Variants in LRRC7 observed in about 807,000 individuals in gnomAD.
LRRC7 encodes the protein leucine-rich repeat-containing protein 7.
LRRC7 carries 23 observed loss-of-function variants against 175.7 expected under a neutral mutation model. The ratio of observed to expected loss-of-function variants is 0.13; its 90% CI spans 0.09 to 0.19. LRRC7 has a LOEUF of 0.19. LRRC7 is among the 10% of genes least tolerant of loss of function. LRRC7 has a pLI of 1.00. For synonymous variants in LRRC7, 685 were observed against 680.9 expected (o/e 1.01, Z -0.09); for missense variants, 1,354 against 1,904.7 (o/e 0.71, Z 5.38).
At position 69,642,431 on chromosome 1, in the gene LRRC7, T is replaced by C. The variant is rs188427037; in HGVS notation, c.3-35950T>C. On this transcript the variant is annotated intron_variant, in intron 1 of 26. Coordinates refer to ENST00000651989, the MANE Select transcript of LRRC7 (RefSeq NM_001370785.2). ...AAGGATAGGAAGGTAAAAAAGGAAA[T>C]ATGAGAAGAAATTACCTTCAAGCAA... Among the ~76,000 whole-genome samples, 86 of 152,000 alleles carry C rather than the reference T, an allele frequency of 5.7e-4. No individual in the cohort carries two copies. The East Asian group carries it at 0.016, about 27-fold the overall frequency.
chr1:70,084,099 C>T (rs1416205131), intron 24 of LRRC7, among the ~76,000 whole-genome samples: 2 of 152,082 alleles, frequency 1.3e-5, no homozygotes, highest in African/African-American at 4.8e-5. Flanking sequence ...GATCTAGCCC[C>T]ACCTTCCTCT....
intron 23 of LRRC7, among the ~76,000 whole-genome samples, chr1:70,061,831 C>G (rs1661602603): frequency 6.6e-6 from 1 of 152,034 alleles, no homozygotes; most frequent in Non-Finnish European, 1.5e-5. Context: ...TAGAAATAAC[C>G]TAGAACTGAA....
At chr1:69,595,774 C>A (rs72936520) in intron 1 of LRRC7, among the ~76,000 whole-genome samples, 1 of 152,170 alleles carries the variant, frequency 6.6e-6, no homozygotes, top group South Asian at 2.1e-4. Flanking sequence ...TAATATATTA[C>A]GGTGTATTAC....
intron 7 of LRRC7, among the ~76,000 whole-genome samples, chr1:69,864,710 T>A (rs1684724391): frequency 6.6e-6 from 1 of 152,212 alleles, no homozygotes; most frequent in African/African-American, 2.4e-5. Flanking sequence ...TTCTCTGGTC[T>A]TCAGTGAGGA....
intron 1 of LRRC7, among the ~76,000 whole-genome samples, chr1:69,589,758 C>G (rs1646558105): frequency 6.7e-6 from 1 of 150,074 alleles, no homozygotes; most frequent in African/African-American, 2.5e-5. Context: ...TTCTCTTTTT[C>G]TAGATGGTGA....
At chr1:69,645,600 A>T (rs1397514141) in intron 1 of LRRC7, among the ~76,000 whole-genome samples, 1 of 152,058 alleles carries the variant, frequency 6.6e-6, no homozygotes, top group Non-Finnish European at 1.5e-5. Context: ...ATTCTTCAGG[A>T]TCACTCAGTC....
chr1:69,952,811 C>T (rs777567040), intron 8 of LRRC7, among the ~76,000 whole-genome samples: 3 of 151,720 alleles, frequency 2.0e-5, no homozygotes, highest in African/African-American at 4.8e-5. Context: ...CCTAGTGGTG[C>T]GTGGTCCTCC....
At chr1:69,837,204 G>A (rs1464868531) in intron 6 of LRRC7, among the ~76,000 whole-genome samples, 16 of 151,788 alleles carry the variant, frequency 1.1e-4, no homozygotes, top group Admixed American at 9.9e-4. Context: ...CCCCAGCATT[G>A]TCATGGGACA....
At chr1:69,586,450 A>C (rs1234088374) in intron 1 of LRRC7, among the ~76,000 whole-genome samples, 1 of 152,100 alleles carries the variant, frequency 6.6e-6, no homozygotes, top group Admixed American at 6.6e-5. Flanking sequence ...AGCCTCTTCC[A>C]GTCTTCAGGG....
rs1475716975 is a variant in LRRC7 at position 70,133,323 on chromosome 1, C to A, written c.*11436C>A. On this transcript the variant is annotated 3_prime_UTR_variant, in exon 27 of 27. Coordinates refer to ENST00000651989, the MANE Select transcript of LRRC7 (RefSeq NM_001370785.2). ...GCAACCTCCACCTCCTGGGTTCAAA[C>A]GATTTTCCTGCCTCAGCCTCCCGAG... Among the ~76,000 whole-genome samples the A allele has an allele frequency of 6.6e-6, 1 of 151,948 alleles. No individual in the cohort carries two copies. The highest frequency in any genetic ancestry group is 2.4e-5 in the African/African-American group (1 of 41,364).
intron 25 of LRRC7, among the ~76,000 whole-genome samples, chr1:70,103,760 G>A (rs906970978): frequency 6.6e-5 from 10 of 152,096 alleles, no homozygotes; most frequent in African/African-American, 2.4e-4. Context: ...CTTCCTATGG[G>A]ACTTGACAGA....
At chr1:69,997,266 C>T (rs1655075042) in intron 11 of LRRC7, among the ~76,000 whole-genome samples, 1 of 152,170 alleles carries the variant, frequency 6.6e-6, no homozygotes, top group Admixed American at 6.5e-5. Flanking sequence ...TGAGACTTTG[C>T]TGAAAGTTGC....
intron 2 of LRRC7, among the ~76,000 whole-genome samples, chr1:69,737,218 G>A (rs180837808): frequency 1.8e-4 from 27 of 152,186 alleles, no homozygotes; most frequent in African/African-American, 6.0e-4. Context: ...TAAACCGCAC[G>A]TGTTGTGAGA....
intron 4 of LRRC7, among the ~76,000 whole-genome samples, chr1:69,795,689 A>G (rs1188089925): frequency 6.6e-6 from 1 of 152,184 alleles, no homozygotes; most frequent in Non-Finnish European, 1.5e-5. Flanking sequence ...GTGACCCCTT[A>G]AAGAAATTAA....
At chr1:70,002,736 A>T (rs1381600705) in intron 11 of LRRC7, among the ~76,000 whole-genome samples, 2 of 152,158 alleles carry the variant, frequency 1.3e-5, no homozygotes, top group Non-Finnish European at 2.9e-5. Context: ...TGTAAAATGG[A>T]AATAATAATA....
intron 2 of LRRC7, among the ~76,000 whole-genome samples, chr1:69,682,753 A>G (rs1660655073): frequency 6.6e-6 from 1 of 150,892 alleles, no homozygotes; most frequent in South Asian, 2.1e-4. Flanking sequence ...TACCTAGTTC[A>G]TGGATAGGCT....
Position 70,141,997 on chromosome 1 carries a change from C to T in LRRC7, c.*20110C>T, listed in dbSNP as rs530846182. On this transcript the variant is annotated 3_prime_UTR_variant, in exon 27 of 27. Transcript: ENST00000651989. ...TGTATTTCTTTGTATCTCTCCATTC[C>T]TCTTACCCTTCCCCAACCCTCTACT... The T allele has an allele frequency of 1.3e-5, 2 of 152,122 alleles. No individual in the cohort carries two copies. Among genetic ancestry groups the T allele is most frequent in the South Asian group, 2.1e-4 (1 of 4,816 alleles). 9.4% of individuals were successfully genotyped at this position (152,122 alleles called of 1,614,324 possible). A position where few individuals can be genotyped will look rare whatever the true frequency, so the allele number is the denominator to read the frequency against.
intron 13 of LRRC7, 47 bp downstream of exon 13, chr1:70,013,136 G>A: frequency 1.7e-6 from 2 of 1,177,888 alleles, no homozygotes; most frequent in Non-Finnish European, 2.4e-6. Context: ...TTTGCTGAAA[G>A]CAAATTATAG....
chr1:69,847,758 C>T (rs766192085), intron 7 of LRRC7, among the ~76,000 whole-genome samples: 4 of 152,078 alleles, frequency 2.6e-5, no homozygotes, highest in Non-Finnish European at 5.9e-5. Flanking sequence ...CTTGCCTGTG[C>T]CTTCAACAAT....
Sources: gnomAD v4.1 joint callset for allele counts (sites outside exome capture counted in the v4.1 genomes callset) on GRCh38, gnomAD v4.1.1 for gene constraint, MANE v1.5 for transcripts, NCBI Gene and HGNC (gene_info 2026-07-23, HGNC 2026-07-21) for gene names.